ARHGEF38: variants seen among roughly 807,000 people sequenced by gnomAD.
ARHGEF38 encodes Rho guanine nucleotide exchange factor (GEF) 38.
In ARHGEF38, 79 loss-of-function variants were observed where a neutral mutation model predicts 79.9. The ratio of observed to expected loss-of-function variants is 0.99; its 90% CI spans 0.82 to 1.19. ARHGEF38 has a LOEUF of 1.19. Among genes scored for constraint, ARHGEF38 ranks in the 50% most tolerant of loss-of-function variants. The pLI, the probability that ARHGEF38 is intolerant of heterozygous loss-of-function variation, is 0.00. For missense variants in ARHGEF38, 962 were observed against 907.2 expected, an observed-to-expected ratio of 1.06 and a Z score of -0.78; for synonymous variants, 366 against 328.3, an observed-to-expected ratio of 1.11 and a Z score of -1.24.
chr4:105,654,224 T>C, intron 8 of ARHGEF38, 55 bp downstream of exon 8: 1 of 1,022,386 alleles, frequency 9.8e-7, no homozygotes, highest in Non-Finnish European at 1.4e-6. Flanking sequence ...ATACAAACCA[T>C]TGATTTCCAT....
At chr4:105,660,579 A>T (rs1730523799) in intron 10 of ARHGEF38, among the ~76,000 whole-genome samples, 1 of 152,084 alleles carries the variant, frequency 6.6e-6, no homozygotes, top group South Asian at 2.1e-4. Flanking sequence ...AGCTGGGATT[A>T]CAGGCATGTG....
intron 1 of ARHGEF38, among the ~76,000 whole-genome samples, chr4:105,562,870 C>CT (rs1485952205): frequency 5.9e-5 from 9 of 152,160 alleles, no homozygotes; most frequent in African/African-American, 2.2e-4. Flanking sequence ...GGACATAAGC[C>CT]TGGGCACAGG....
intron 4 of ARHGEF38, among the ~76,000 whole-genome samples, chr4:105,635,624 G>T (rs977791354): frequency 1.3e-5 from 2 of 151,886 alleles, no homozygotes; most frequent in Middle Eastern, 3.2e-3. Flanking sequence ...GACGCACAAA[G>T]CATATCTGGC....
At chr4:105,568,741 A>G (rs1726065633) in intron 1 of ARHGEF38, among the ~76,000 whole-genome samples, 1 of 152,210 alleles carries the variant, frequency 6.6e-6, no homozygotes, top group African/African-American at 2.4e-5. Flanking sequence ...TAAGTATCAA[A>G]TGGTGTATGT....
intron 1 of ARHGEF38, among the ~76,000 whole-genome samples, chr4:105,587,818 T>G (rs1385804600): frequency 6.6e-6 from 1 of 152,214 alleles, no homozygotes; most frequent in Non-Finnish European, 1.5e-5. Context: ...CATGTGGTTT[T>G]GGATGCTATT....
chr4:105,643,850 T>C lies in ARHGEF38; in HGVS notation c.675-1338T>C, dbSNP rs1578340762. Among the ~76,000 whole-genome samples the C allele has an allele frequency of 5.3e-5, 8 of 151,602 alleles. No individual in the cohort carries two copies. In the South Asian group the frequency reaches 1.7e-3, roughly 32 times the overall value. ...CATTTATCAAATGAATTGAATTAGA[T>C]GGTCTCTAAGATGCCTTCCTACTTT... On this transcript the variant is annotated intron_variant, in intron 5 of 13. Coordinates refer to ENST00000420470, the MANE Select transcript of ARHGEF38 (RefSeq NM_001242729.2).
intron 2 of ARHGEF38, among the ~76,000 whole-genome samples, chr4:105,601,484 A>G (rs969201028): frequency 7.2e-5 from 11 of 152,172 alleles, no homozygotes; most frequent in African/African-American, 2.4e-4. Context: ...GAAATGAGAC[A>G]GAGAAAGAAG....
rs544437215 is a variant in ARHGEF38, at chr4:105,646,644, T to G, written c.874+1257T>G. On this transcript the variant is annotated intron_variant, in intron 6 of 13. Coordinates refer to ENST00000420470, the MANE Select transcript of ARHGEF38 (RefSeq NM_001242729.2). Reference sequence around the variant, plus strand: ...TAAGTATTTGCCCAAGAGAGACTCTTGCCCATGTGCTCAAAGAGAGGTGTA... The same window carrying G: ...TAAGTATTTGCCCAAGAGAGACTCTGGCCCATGTGCTCAAAGAGAGGTGTA... 8.5e-5 allele frequency among the ~76,000 whole-genome samples: 13 copies of G among 152,292 alleles called. No individual in the cohort carries two copies. The South Asian group carries it at 2.7e-3, about 32-fold the overall frequency.
In ARHGEF38 at chr4:105,679,785, G is replaced by T; in HGVS notation, c.*1848G>T. On this transcript the variant is annotated 3_prime_UTR_variant, in exon 14 of 14. Coordinates refer to ENST00000420470, the MANE Select transcript of ARHGEF38 (RefSeq NM_001242729.2). Reference sequence around the variant, plus strand: ...TAAAAACATATACAAACCCCTGTCTGTCCAGCTTTACCCACGCATCCAGAG... The same window carrying T: ...TAAAAACATATACAAACCCCTGTCTTTCCAGCTTTACCCACGCATCCAGAG... The T allele has an allele frequency of 2.0e-6, 2 of 1,023,602 alleles. No individual in the cohort carries two copies. Among genetic ancestry groups the T allele is most frequent in the Non-Finnish European group, 3.1e-6 (2 of 649,812 alleles). 63.4% of individuals were successfully genotyped at this position (1,023,602 alleles called of 1,614,324 possible). A position where few individuals can be genotyped will look rare whatever the true frequency, so the allele number is the denominator to read the frequency against.
chr4:105,617,486 T>G (rs749132156), intron 3 of ARHGEF38, among the ~76,000 whole-genome samples: 1 of 152,188 alleles, frequency 6.6e-6, no homozygotes, highest in Non-Finnish European at 1.5e-5. Context: ...AAAAATAATC[T>G]TATGTATGAA....
At chr4:105,619,772 A>C (rs1167442081) in intron 3 of ARHGEF38, among the ~76,000 whole-genome samples, 2 of 152,226 alleles carry the variant, frequency 1.3e-5, no homozygotes, top group Non-Finnish European at 2.9e-5. Context: ...TCTCTGAGCC[A>C]AACGTTGTAG....
At position 105,655,727 on chromosome 4, in the gene ARHGEF38, G is replaced by A. The variant is rs1730295163; in HGVS notation, c.1233+5G>A. 2 of 1,533,038 alleles carry A rather than the reference G, an allele frequency of 1.3e-6. No individual in the cohort carries two copies. Among genetic ancestry groups the A allele is most frequent in the Non-Finnish European group, 8.7e-7 (1 of 1,145,652 alleles). The allele number at this position is 1,533,038 out of a possible 1,614,324, so 95.0% of individuals were successfully genotyped here. ...TTAAATTCGTGTCATGACTTTGTAAGTTATTTATATTCACAGATAAATGCA... is the reference window on the plus strand; with the variant it reads ...TTAAATTCGTGTCATGACTTTGTAAATTATTTATATTCACAGATAAATGCA... On this transcript the variant is annotated splice_donor_5th_base_variant and intron_variant, in intron 9 of 13. Transcript: ENST00000420470.
intron 2 of ARHGEF38, among the ~76,000 whole-genome samples, chr4:105,610,210 G>T (rs1047032015): frequency 6.6e-6 from 1 of 152,022 alleles, no homozygotes; most frequent in Non-Finnish European, 1.5e-5. Flanking sequence ...CTGATTAGGG[G>T]GTGGGTTGGG....
chr4:105,659,107 A>G lies in ARHGEF38; in HGVS notation c.1287A>G (p.Leu429=). The change falls in exon 10 of 14, where the codon TTA becomes TTG. Residue 429 remains leucine, a synonymous_variant. Coordinates refer to ENST00000420470, the MANE Select transcript of ARHGEF38 (RefSeq NM_001242729.2). ...CCCCCTTGTCAGCCCTGCTGTCCTT[A>G]TTCCCAGGGCCTCACAAGCTCATCC... is the stretch of plus-strand genomic sequence containing the variant. The part of the protein sequence containing the change: ...ILTPLSALLS[L]FPGPHKLIQK... 1 of 1,536,090 alleles carries G rather than the reference A, an allele frequency of 6.5e-7. No individual in the cohort carries two copies. Among genetic ancestry groups the G allele is most frequent in the Non-Finnish European group, 8.7e-7 (1 of 1,146,840 alleles).
At chr4:105,593,600 A>C in intron 2 of ARHGEF38, among the ~76,000 whole-genome samples, 1 of 152,190 alleles carries the variant, frequency 6.6e-6, no homozygotes, top group Non-Finnish European at 1.5e-5. Flanking sequence ...CTTTCTTTGA[A>C]TTCTTAGTCC....
Position 105,619,753 on chromosome 4 carries a change from G to A in ARHGEF38, c.508+6246G>A, listed in dbSNP as rs193114867. Among the ~76,000 whole-genome samples the A allele has an allele frequency of 1.1e-4, 16 of 152,272 alleles. No individual in the cohort carries two copies. The East Asian group carries it at 2.3e-3, about 22-fold the overall frequency. On this transcript the variant is annotated intron_variant, in intron 3 of 13. Transcript: ENST00000420470. ...CCCTATGTGACTGGAGCATAGTGCC[G>A]AGAAGGCCTCTCTGAGCCAAACGTT... is the stretch of plus-strand genomic sequence containing the variant.
At chr4:105,607,202 A>G (rs1203159723) in intron 2 of ARHGEF38, among the ~76,000 whole-genome samples, 1 of 152,132 alleles carries the variant, frequency 6.6e-6, no homozygotes, top group Non-Finnish European at 1.5e-5. Flanking sequence ...TTAGCCAGTT[A>G]TACCAATGGC....
At chr4:105,621,101 T>C (rs995500490) in intron 3 of ARHGEF38, among the ~76,000 whole-genome samples, 1 of 152,216 alleles carries the variant, frequency 6.6e-6, no homozygotes, top group Non-Finnish European at 1.5e-5. Context: ...GCCAAGGCAC[T>C]AGATTTGTGA....
At chr4:105,660,888 A>C (rs2110566929) in intron 10 of ARHGEF38, among the ~76,000 whole-genome samples, 1 of 152,210 alleles carries the variant, frequency 6.6e-6, no homozygotes, top group South Asian at 2.1e-4. Context: ...CAATTTGATT[A>C]TTTTTAGTAT....
Sources: gnomAD v4.1 joint callset for allele counts (sites outside exome capture counted in the v4.1 genomes callset) on GRCh38, gnomAD v4.1.1 for gene constraint, MANE v1.5 for transcripts, NCBI Gene and HGNC (gene_info 2026-07-23, HGNC 2026-07-21) for gene names.